Variants in FAM135B observed in about 807,000 individuals in gnomAD.
The protein encoded by FAM135B is family with sequence similarity 135 member B.
FAM135B carries 43 observed loss-of-function variants against 127.7 expected under a neutral mutation model. The observed-to-expected ratio is 0.34, with a 90% CI of 0.26 to 0.43. The LOEUF is 0.43. Among genes scored for constraint, FAM135B ranks in the 20% least tolerant of loss-of-function variants. The pLI is 1.00. For synonymous variants in FAM135B, 670 were observed against 665.1 expected, an observed-to-expected ratio of 1.01 and a Z score of -0.11; for missense variants, 1,558 against 1,725.6, an observed-to-expected ratio of 0.90 and a Z score of 1.72.
chr8:138,308,339 AG>A (rs1826418173), intron 3 of FAM135B, among the ~76,000 whole-genome samples: 2 of 152,340 alleles, frequency 1.3e-5, no homozygotes, highest in African/African-American at 4.8e-5. Context: ...TCCCCAGCCT[AG>A]GCTGGCTAAC....
chr8:138,185,819 A>G (rs1815510691), intron 9 of FAM135B, among the ~76,000 whole-genome samples: 1 of 152,192 alleles, frequency 6.6e-6, no homozygotes, highest in African/African-American at 2.4e-5. Flanking sequence ...ACTTGTTTGT[A>G]CCAAAGCACA....
chr8:138,373,699 A>G (rs1157424550), intron 1 of FAM135B, among the ~76,000 whole-genome samples: 1 of 152,090 alleles, frequency 6.6e-6, no homozygotes, highest in Non-Finnish European at 1.5e-5. Context: ...AACATCCCTG[A>G]GAAAGAGAAT....
intron 1 of FAM135B, among the ~76,000 whole-genome samples, chr8:138,458,947 G>A (rs930599555): frequency 6.6e-6 from 1 of 152,138 alleles, no homozygotes; most frequent in African/African-American, 2.4e-5. Flanking sequence ...TTGCCGGCAT[G>A]TACTGGTGGC....
chr8:138,472,422 G>T (rs137980468), intron 1 of FAM135B, among the ~76,000 whole-genome samples: 2 of 152,154 alleles, frequency 1.3e-5, no homozygotes, highest in Non-Finnish European at 2.9e-5. Flanking sequence ...AAATGAAGTG[G>T]TATGCAGGAG....
At chr8:138,376,229 C>A (rs1223997986) in intron 1 of FAM135B, among the ~76,000 whole-genome samples, 1 of 152,140 alleles carries the variant, frequency 6.6e-6, no homozygotes, top group Non-Finnish European at 1.5e-5. Context: ...AGACATGAAC[C>A]ATTGCACCTG....
intron 1 of FAM135B, among the ~76,000 whole-genome samples, chr8:138,401,589 C>T (rs1212084460): frequency 6.6e-6 from 1 of 152,176 alleles, no homozygotes; most frequent in African/African-American, 2.4e-5. Context: ...AATCTCATAT[C>T]TATTTTCTCA....
intron 2 of FAM135B, 105 bp downstream of exon 2, chr8:138,367,802 C>A: frequency 2.3e-6 from 2 of 873,088 alleles, no homozygotes; most frequent in South Asian, 3.1e-5. Flanking sequence ...TCGTTAGTCC[C>A]AAATTTCCTA....
intron 1 of FAM135B, among the ~76,000 whole-genome samples, chr8:138,411,270 T>C (rs1367576128): frequency 1.3e-5 from 2 of 151,990 alleles, no homozygotes; most frequent in African/African-American, 4.8e-5. Flanking sequence ...CAAAACAGCA[T>C]GGTACTGGTA....
At chr8:138,277,996 A>G (rs1019204204) in intron 3 of FAM135B, among the ~76,000 whole-genome samples, 10 of 152,046 alleles carry the variant, frequency 6.6e-5, no homozygotes, top group Admixed American at 2.0e-4. Flanking sequence ...CACCTGTTGA[A>G]TCTTGCCCTT....
intron 7 of FAM135B, among the ~76,000 whole-genome samples, chr8:138,215,680 C>T: frequency 6.6e-6 from 1 of 152,232 alleles, no homozygotes; most frequent in Middle Eastern, 3.4e-3. Flanking sequence ...ATTATAGAAC[C>T]CCCAAATCAT....
Position 138,373,441 on chromosome 8 carries a change from G to A in FAM135B, c.-19-5439C>T, listed in dbSNP as rs369041658. 8.6e-5 allele frequency among the ~76,000 whole-genome samples: 13 copies of A among 150,318 alleles called. No individual in the cohort carries two copies. The East Asian group carries it at 9.7e-4, about 11-fold the overall frequency. ...TCTTAATCCTGTCATCTCGTAAGCC[G>A]AGGAGGATGTATGTCGCCTCAGGAC... is the stretch of plus-strand genomic sequence containing the variant. On this transcript the variant is annotated intron_variant, in intron 1 of 19. Coordinates refer to ENST00000395297, the MANE Select transcript of FAM135B (RefSeq NM_015912.4).
chr8:138,351,683 CT>C (rs889424592), intron 2 of FAM135B, among the ~76,000 whole-genome samples: 1,312 of 109,472 alleles, frequency 0.012, 14 homozygotes, highest in African/African-American at 0.033. Flanking sequence ...TAGGGCAGAT[CT>C]TTTTTTTTTT....
At chr8:138,163,993 A>T (rs766125385) in intron 12 of FAM135B, among the ~76,000 whole-genome samples, 1 of 152,134 alleles carries the variant, frequency 6.6e-6, no homozygotes, top group Non-Finnish European at 1.5e-5. Flanking sequence ...CATGCCCAGC[A>T]AATGCTATTA....
chr8:138,347,166 C>G (rs1421161515), intron 2 of FAM135B, among the ~76,000 whole-genome samples: 1 of 152,118 alleles, frequency 6.6e-6, no homozygotes, highest in Non-Finnish European at 1.5e-5. Flanking sequence ...AGTGTCTTCC[C>G]CAGGAGGACC....
rs147586956 is a variant in FAM135B at position 138,224,476 on chromosome 8, G to A, written c.669+18466C>T. 3.7e-3 allele frequency among the ~76,000 whole-genome samples: 566 copies of A among 152,118 alleles called. 4 individuals are homozygous for A. The highest frequency in any genetic ancestry group is 0.013 in the African/African-American group (532 of 41,476). On this transcript the variant is annotated intron_variant, in intron 7 of 19. Coordinates refer to ENST00000395297, the MANE Select transcript of FAM135B (RefSeq NM_015912.4). Reference sequence around the variant, plus strand: ...TTTTGAGACAGAGTCTTGCTCTGTCGCCCAGGCTGGAATGCAGAGGCCCGA... The same window carrying A: ...TTTTGAGACAGAGTCTTGCTCTGTCACCCAGGCTGGAATGCAGAGGCCCGA...
chr8:138,334,169 C>T (rs990325055), intron 2 of FAM135B, among the ~76,000 whole-genome samples: 3 of 152,120 alleles, frequency 2.0e-5, no homozygotes, highest in African/African-American at 7.2e-5. Flanking sequence ...GTGATCCACC[C>T]TCCTTGGCCT....
At chr8:138,292,329 A>T (rs2130800841) in intron 3 of FAM135B, among the ~76,000 whole-genome samples, 1 of 152,238 alleles carries the variant, frequency 6.6e-6, no homozygotes, top group South Asian at 2.1e-4. Context: ...ATATTGTTAA[A>T]ATGTCCATGC....
intron 1 of FAM135B, among the ~76,000 whole-genome samples, chr8:138,389,274 T>G (rs1450426860): frequency 6.6e-6 from 1 of 152,168 alleles, no homozygotes; most frequent in Admixed American, 6.5e-5. Flanking sequence ...AACCTAGAAT[T>G]ACCACACGAC....
chr8:138,415,436 A>G (rs149514457), intron 1 of FAM135B, among the ~76,000 whole-genome samples: 3 of 152,244 alleles, frequency 2.0e-5, no homozygotes, highest in Admixed American at 6.5e-5. Context: ...GACAAAGACA[A>G]ATGATTTAAT....
Sources: allele counts gnomAD v4.1 joint callset (sites outside exome capture counted in the v4.1 genomes callset), GRCh38; gene constraint gnomAD v4.1.1; transcripts MANE v1.5; gene names NCBI Gene and HGNC (gene_info 2026-07-23, HGNC 2026-07-21).